Variants in SYT9 observed in about 807,000 individuals in gnomAD.
SYT9 encodes synaptotagmin 9.
A neutral mutation model predicts 48.4 loss-of-function variants in SYT9; 22 were observed. The ratio of observed to expected loss-of-function variants is 0.45; its 90% CI spans 0.32 to 0.65. The LOEUF (loss-of-function observed/expected upper bound fraction) is 0.65, where lower values mean the gene tolerates loss of function less well. Among genes scored for constraint, SYT9 ranks in the 30% least tolerant of loss-of-function variants. SYT9 has a pLI of 0.03. For missense variants in SYT9, 577 were observed against 622.0 expected, an observed-to-expected ratio of 0.93 and a Z score of 0.77; for synonymous variants, 265 against 245.0, an observed-to-expected ratio of 1.08 and a Z score of -0.76.
chr11:7,244,973 G>A (rs1245167186), intron 1 of SYT9, among the ~76,000 whole-genome samples: 1 of 152,232 alleles, frequency 6.6e-6, no homozygotes, highest in African/African-American at 2.4e-5. Context: ...CTCTATTTCA[G>A]AAAGGATTTT....
At chr11:7,395,524 A>G (rs996236880) in intron 3 of SYT9, among the ~76,000 whole-genome samples, 2 of 151,982 alleles carry the variant, frequency 1.3e-5, no homozygotes, top group African/African-American at 4.8e-5. Context: ...ATGAATCCCA[A>G]TGTGGGATAC....
upstream of SYT9, among the ~76,000 whole-genome samples, chr11:7,249,819 G>A (rs1160940226): frequency 3.9e-5 from 6 of 152,182 alleles, no homozygotes; most frequent in Admixed American, 3.9e-4. Context: ...ATAGTAACTA[G>A]TCTGTCTAAA....
intron 1 of SYT9, among the ~76,000 whole-genome samples, chr11:7,285,066 G>A (rs1848571731): frequency 6.6e-6 from 1 of 152,066 alleles, no homozygotes. Flanking sequence ...GGACCATTGG[G>A]CTTTATTTCC....
intron 1 of SYT9, among the ~76,000 whole-genome samples, chr11:7,266,245 C>T (rs1433253288): frequency 6.6e-6 from 1 of 152,070 alleles, no homozygotes; most frequent in Non-Finnish European, 1.5e-5. Context: ...TTTAATATAA[C>T]TGTAATATCC....
chr11:7,278,729 A>T (rs1050619315), intron 1 of SYT9, among the ~76,000 whole-genome samples: 4 of 152,242 alleles, frequency 2.6e-5, no homozygotes, highest in African/African-American at 9.6e-5. Flanking sequence ...GCTTAAGAGG[A>T]TTAAAAAACA....
At position 7,451,921 on chromosome 11, in the gene SYT9, C is replaced by T. The variant is rs532674237; in HGVS notation, c.1468-14871C>T. Among the ~76,000 whole-genome samples the T allele has an allele frequency of 4.6e-5, 7 of 152,170 alleles. 1 individual carries two copies. The highest frequency in any genetic ancestry group is 1.7e-4 in the African/African-American group (7 of 41,496). ...AAGGGACTAGCATGTACCTCATGAC[C>T]GACAACAACAAATCTGACATTGCTG... is the stretch of plus-strand genomic sequence containing the variant. On this transcript the variant is annotated intron_variant, in intron 6 of 6. Coordinates refer to ENST00000318881, the MANE Select transcript of SYT9 (RefSeq NM_175733.4).
At chr11:7,246,134 A>G (rs1396147760) in intron 1 of SYT9, among the ~76,000 whole-genome samples, 2 of 152,132 alleles carry the variant, frequency 1.3e-5, no homozygotes, top group Non-Finnish European at 2.9e-5. Flanking sequence ...CTAAACAGCA[A>G]AACTTCCTAA....
At chr11:7,403,976 T>C (rs1326662678) in intron 3 of SYT9, among the ~76,000 whole-genome samples, 1 of 152,128 alleles carries the variant, frequency 6.6e-6, no homozygotes, top group African/African-American at 2.4e-5. Context: ...CATTTAGAAT[T>C]TTTATACATT....
chr11:7,345,870 G>C (rs1003140158), intron 3 of SYT9, among the ~76,000 whole-genome samples: 12 of 152,204 alleles, frequency 7.9e-5, no homozygotes, highest in African/African-American at 2.4e-4. Flanking sequence ...CTAATGTTTA[G>C]ACTTCAGATG....
At chr11:7,364,606 TAA>T (rs886288619) in intron 3 of SYT9, among the ~76,000 whole-genome samples, 236 of 152,284 alleles carry the variant, frequency 1.5e-3, no homozygotes, top group African/African-American at 5.4e-3. Context: ...TTTGAAAAAT[TAA>T]AAGAGTATGA....
At chr11:7,239,714 G>A (rs758243731) in intron 1 of SYT9, among the ~76,000 whole-genome samples, 2 of 152,108 alleles carry the variant, frequency 1.3e-5, no homozygotes, top group African/African-American at 2.4e-5. Flanking sequence ...GAGTAGGGGC[G>A]GAGAGAAGGA....
chr11:7,313,808 A>T lies in SYT9; in HGVS notation c.911A>T (p.His304Leu), dbSNP rs1361296895. ...AATGACCTTGAAGCACGGAAGCTTC[A>T]CTTCTCTGTGTACGACTTTGACAGG... ...PYNDLEARKL[H>L]FSVYDFDRFS... The change falls in exon 3 of 7, where the codon CAC becomes CTC. Residue 304 changes from histidine (H) to leucine (L), a missense_variant. Transcript: ENST00000318881. 3.1e-6 allele frequency: 5 copies of T among 1,614,180 alleles called. No individual in the cohort carries two copies. The highest frequency in any genetic ancestry group is 4.2e-6 in the Non-Finnish European group (5 of 1,180,024).
chr11:7,334,238 TTAAGA>T (rs79911728), intron 3 of SYT9, among the ~76,000 whole-genome samples: 35,044 of 151,988 alleles, frequency 0.23, 5,084 homozygotes, highest in East Asian at 0.56. Context: ...GCAAGAATAA[TTAAGA>T]TTTTTAAGAC....
intron 6 of SYT9, among the ~76,000 whole-genome samples, chr11:7,465,065 G>GC (rs1848308009): frequency 6.6e-6 from 1 of 152,056 alleles, no homozygotes; most frequent in Non-Finnish European, 1.5e-5. Context: ...TCCAGCCTGG[G>GC]GACAGAGCAA....
chr11:7,361,093 T>G (rs1174626395), intron 3 of SYT9, among the ~76,000 whole-genome samples: 1 of 152,126 alleles, frequency 6.6e-6, no homozygotes, highest in East Asian at 1.9e-4. Flanking sequence ...ATTCTTTTTA[T>G]CAAGGAAATA....
chr11:7,249,673 A>G (rs1847835176), upstream of SYT9, among the ~76,000 whole-genome samples: 1 of 152,218 alleles, frequency 6.6e-6, no homozygotes, highest in South Asian at 2.1e-4. Flanking sequence ...AGCCCATACT[A>G]TGTGGCAGCA....
At chr11:7,302,296 T>C (rs1000568623) in intron 1 of SYT9, among the ~76,000 whole-genome samples, 6 of 152,346 alleles carry the variant, frequency 3.9e-5, no homozygotes, top group Non-Finnish European at 7.4e-5. Context: ...ACTCCCTCAC[T>C]GTAGGAACTG....
At chr11:7,341,691 G>A (rs1849716369) in intron 3 of SYT9, among the ~76,000 whole-genome samples, 2 of 152,150 alleles carry the variant, frequency 1.3e-5, no homozygotes, top group African/African-American at 4.8e-5. Context: ...GTTTTATGAA[G>A]CAGAGGAGTC....
chr11:7,358,157 G>A (rs769949221), intron 3 of SYT9, among the ~76,000 whole-genome samples: 3 of 152,150 alleles, frequency 2.0e-5, no homozygotes, highest in Middle Eastern at 3.4e-3. Flanking sequence ...AAAGAACGAC[G>A]AATACTGTTT....
Sources: gnomAD v4.1 joint callset for allele counts (sites outside exome capture counted in the v4.1 genomes callset) on GRCh38, gnomAD v4.1.1 for gene constraint, MANE v1.5 for transcripts, NCBI Gene and HGNC (gene_info 2026-07-23, HGNC 2026-07-21) for gene names.